The following DLK1 variants were observed in gnomAD, a reference collection of about 807,000 sequenced individuals.
DLK1 encodes protein delta homolog 1.
A neutral mutation model predicts 35.2 loss-of-function variants in DLK1; 9 were observed. That is an observed-to-expected ratio of 0.26 (90% confidence interval 0.15 to 0.45). The LOEUF is 0.45. DLK1 is among the 20% of genes least tolerant of loss of function. The pLI is 1.00. For synonymous variants in DLK1, 231 were observed against 228.4 expected (o/e 1.01, Z -0.10); for missense variants, 522 against 528.5 (o/e 0.99, Z 0.12).
At chr14:100,727,241 C>T (rs2036446254) in intron 1 of DLK1, 106 bp downstream of exon 1, 3 of 1,187,956 alleles carry the variant, frequency 2.5e-6, no homozygotes, top group Non-Finnish European at 3.4e-6. Context: ...CCAACTCCGC[C>T]CGTCCCGCCT....
rs545674033 is a variant in DLK1, at chr14:100,728,539, T to C, written c.131+80T>C. The C allele has an allele frequency of 2.0e-4, 294 of 1,443,112 alleles. 1 individual carries two copies. Among genetic ancestry groups the C allele is most frequent in the Admixed American group, 5.5e-4 (31 of 56,034 alleles). The allele number at this position is 1,443,112 out of a possible 1,614,324, so 89.4% of individuals were successfully genotyped here. A position where few individuals can be genotyped will look rare whatever the true frequency, so the allele number is the denominator to read the frequency against. On this transcript the variant is annotated intron_variant, in intron 2 of 4. Transcript: ENST00000341267. Reference sequence around the variant, plus strand: ...AGTCGTGAAGTCAGGCAGAAAAAAATAGGGGGCTTGGCCACTACGCTGCAG... The same window carrying C: ...AGTCGTGAAGTCAGGCAGAAAAAAACAGGGGGCTTGGCCACTACGCTGCAG...
chr14:100,730,874 T>C (rs1243196204), intron 3 of DLK1, among the ~76,000 whole-genome samples: 1 of 152,118 alleles, frequency 6.6e-6, no homozygotes, highest in African/African-American at 2.4e-5. Context: ...TCCTCCTTGA[T>C]TGATTGCAGT....
chr14:100,728,865 A>G lies in DLK1; in HGVS notation c.132-71A>G, dbSNP rs564692962. Reference sequence around the variant, plus strand: ...CCCCAAGGGTCCTTGGTTCCACAGAAAGTAGCCTGAGCTGCCTCTCTACCC... The same window carrying G: ...CCCCAAGGGTCCTTGGTTCCACAGAGAGTAGCCTGAGCTGCCTCTCTACCC... On this transcript the variant is annotated intron_variant, in intron 2 of 4. Transcript: ENST00000341267. The G allele has an allele frequency of 2.5e-5, 40 of 1,575,622 alleles. No individual in the cohort carries two copies. The African/African-American group carries it at 5.4e-4, about 21-fold the overall frequency.
intron 2 of DLK1, 147 bp downstream of exon 2, chr14:100,728,606 C>A (rs1447727229): frequency 5.6e-5 from 3 of 53,748 alleles, no homozygotes; most frequent in Admixed American, 4.9e-4. Context: ...GTGGGGCGAG[C>A]TGGGGAGATG....
rs899489552 is a variant in DLK1, at chr14:100,737,939, A to G, written c.*3043A>G. ...AATGGTCATTCCATGTTCTATGGCC[A>G]CCAGATTCTGCTGAGAGTGTCGGGA... On this transcript the variant is annotated 3_prime_UTR_variant, in exon 5 of 5. Transcript: ENST00000341267. The G allele has an allele frequency of 1.3e-5, 2 of 152,064 alleles. No homozygotes were observed. Among genetic ancestry groups the G allele is most frequent in the Non-Finnish European group, 2.9e-5 (2 of 68,010 alleles). 9.4% of individuals were successfully genotyped at this position (152,064 alleles called of 1,614,324 possible).
intron 3 of DLK1, among the ~76,000 whole-genome samples, chr14:100,731,704 A>G (rs2036508967): frequency 6.6e-6 from 1 of 152,120 alleles, no homozygotes; most frequent in African/African-American, 2.4e-5. Context: ...AATCTCAGCT[A>G]GGCACGCTGT....
In DLK1 at chr14:100,735,846, C is replaced by T. The variant is rs903402870; in HGVS notation, c.*950C>T. 6 of 152,198 alleles carry T rather than the reference C, an allele frequency of 3.9e-5. No individual in the cohort carries two copies. The highest frequency in any genetic ancestry group is 1.4e-4 in the African/African-American group (6 of 41,438). The allele number at this position is 152,198 out of a possible 1,614,324, so 9.4% of individuals were successfully genotyped here. On this transcript the variant is annotated 3_prime_UTR_variant, in exon 5 of 5. Coordinates refer to ENST00000341267, the MANE Select transcript of DLK1 (RefSeq NM_003836.7). Reference sequence around the variant, plus strand: ...CATAATGTGCCATCTGGAGTTGCCACTTAGGCAGCCAGCCCTCCCCCACCC... The same window carrying T: ...CATAATGTGCCATCTGGAGTTGCCATTTAGGCAGCCAGCCCTCCCCCACCC...
At chr14:100,728,373 G>T (rs1311741606) in intron 1 of DLK1, 23 bp from the exon 2 acceptor site, 3 of 1,613,392 alleles carry the variant, frequency 1.9e-6, no homozygotes, top group Non-Finnish European at 2.5e-6. Context: ...GGGGTGAATT[G>T]TATAACCTTT....
In DLK1 at chr14:100,726,899, C is replaced by A. The variant is rs539751794; in HGVS notation, c.-170C>A. 2.1e-6 allele frequency: 1 copy of A among 481,196 alleles called. No homozygotes were observed. Among genetic ancestry groups the A allele is most frequent in the Non-Finnish European group, 3.1e-6 (1 of 321,896 alleles). The allele number at this position is 481,196 out of a possible 1,614,324, so 29.8% of individuals were successfully genotyped here. A position where few individuals can be genotyped will look rare whatever the true frequency, so the allele number is the denominator to read the frequency against. On this transcript the variant is annotated 5_prime_UTR_variant, in exon 1 of 5. Coordinates refer to ENST00000341267, the MANE Select transcript of DLK1 (RefSeq NM_003836.7). The surrounding 1 kb of genome is among the most constrained non-coding windows in gnomAD (Gnocchi z 4.2). ...GGCGCGCGCGGCGGCGGCGGCAGCT[C>A]CCCGGCAGCGGCGGTGGAGAGCGCA...
chr14:100,736,186 A>G lies in DLK1; in HGVS notation c.*1290A>G, dbSNP rs562104017. 134 of 148,886 alleles carry G rather than the reference A, an allele frequency of 9.0e-4. No homozygotes were observed. The highest frequency in any genetic ancestry group is 3.1e-3 in the African/African-American group (125 of 40,254). The allele number at this position is 148,886 out of a possible 1,614,324, so 9.2% of individuals were successfully genotyped here. ...GAATTTGACTTTTTTTTTTTTTTTA[A>G]CAAAGAGCATCTATCTTTTTTGCAA... On this transcript the variant is annotated 3_prime_UTR_variant, in exon 5 of 5. Transcript: ENST00000341267.
In DLK1 at chr14:100,736,595, C is replaced by A. The variant is rs1022056075; in HGVS notation, c.*1699C>A. On this transcript the variant is annotated 3_prime_UTR_variant, in exon 5 of 5. Coordinates refer to ENST00000341267, the MANE Select transcript of DLK1 (RefSeq NM_003836.7). The stretch of plus-strand genomic sequence containing the variant: ...ATCTGCCCAAACTCCCAACACCCCA[C>A]TCTCCCCACCAAGCCATTGGTCTCC... The A allele has an allele frequency of 5.9e-5, 9 of 152,402 alleles. No homozygotes were observed. Among genetic ancestry groups the A allele is most frequent in the African/African-American group, 2.2e-4 (9 of 41,366 alleles). The allele number at this position is 152,402 out of a possible 1,614,324, so 9.4% of individuals were successfully genotyped here. A position where few individuals can be genotyped will look rare whatever the true frequency, so the allele number is the denominator to read the frequency against.
Position 100,729,029 on chromosome 14 carries a change from T to C in DLK1, c.225T>C (p.Ile75=). 1 of 1,614,076 alleles carries C rather than the reference T, an allele frequency of 6.2e-7. No individual in the cohort carries two copies. The change falls in exon 3 of 5, where the codon ATT becomes ATC. Residue 75 remains isoleucine, a synonymous_variant. Transcript: ENST00000341267. ...TCTGTGGAGAACCCGGGCAGTGCATTTGCACCGACGGCTGGGACGGGGAGC... is the reference window on the plus strand; with the variant it reads ...TCTGTGGAGAACCCGGGCAGTGCATCTGCACCGACGGCTGGGACGGGGAGC... ...HGLCGEPGQC[I]CTDGWDGELC...
chr14:100,730,097 G>T (rs1435941230), intron 3 of DLK1, among the ~76,000 whole-genome samples: 1 of 152,202 alleles, frequency 6.6e-6, no homozygotes, highest in African/African-American at 2.4e-5. Flanking sequence ...GGCAGCCGTG[G>T]TTCTGAAGCT....
rs752614274 is a variant in DLK1, at chr14:100,734,885, G to A, written c.1141G>A (p.Glu381Lys). Residue 381 changes from glutamate (E) to lysine (K), a missense_variant, in exon 5 of 5, where the codon GAG becomes AAG. Coordinates refer to ENST00000341267, the MANE Select transcript of DLK1 (RefSeq NM_003836.7). The surrounding 1 kb of genome is among the most constrained non-coding windows in gnomAD (Gnocchi z 7.4). ...CACCTTCAGCAAGGAGGCCGGCGAC[G>A]AGGAGATCTAAGCAGCGTTCCCACA... ...MTTFSKEAGD[E>K]EI The A allele has an allele frequency of 5.4e-5, 85 of 1,588,006 alleles. No individual in the cohort carries two copies. Among genetic ancestry groups the A allele is most frequent in the African/African-American group, 1.1e-4 (8 of 74,386 alleles).
At chr14:100,732,540 C>T (rs2036522288) in intron 4 of DLK1, among the ~76,000 whole-genome samples, 1 of 152,182 alleles carries the variant, frequency 6.6e-6, no homozygotes, top group South Asian at 2.1e-4. Flanking sequence ...TTTGTGAAAC[C>T]CACTTGCTGT....
Position 100,734,494 on chromosome 14 carries a change from G to A in DLK1, c.750G>A (p.Leu250=), listed in dbSNP as rs372004186. ...TCACCTGTGTCAAGAAGCGCGCGCT[G>A]AGCCCCCAGCAGGTCACCCGTCTGC... is the stretch of plus-strand genomic sequence containing the variant. ...TGLTCVKKRA[L]SPQQVTRLPS... Residue 250 remains leucine (L), a synonymous_variant, in exon 5 of 5, where the codon CTG becomes CTA. Coordinates refer to ENST00000341267, the MANE Select transcript of DLK1 (RefSeq NM_003836.7). This position sits in a 1 kb window ranked among gnomAD's most constrained non-coding sequence, Gnocchi z 7.4. 1.2e-6 allele frequency: 2 copies of A among 1,611,272 alleles called. No homozygotes were observed. The highest frequency in any genetic ancestry group is 8.5e-7 in the Non-Finnish European group (1 of 1,178,546).
At position 100,726,971 on chromosome 14, in the gene DLK1, C is replaced by T. The variant is rs2036440777; in HGVS notation, c.-98C>T. Reference sequence around the variant, plus strand: ...TGGCTTTCCCCTCGCTGCGCGCCCGCGCCCCCTTTCGCGTCCGCAACCAGA... The same window carrying T: ...TGGCTTTCCCCTCGCTGCGCGCCCGTGCCCCCTTTCGCGTCCGCAACCAGA... On this transcript the variant is annotated 5_prime_UTR_variant, in exon 1 of 5. Transcript: ENST00000341267. This position sits in a 1 kb window ranked among gnomAD's most constrained non-coding sequence, Gnocchi z 4.2. 2 of 1,214,894 alleles carry T rather than the reference C, an allele frequency of 1.6e-6. No individual in the cohort carries two copies. The highest frequency in any genetic ancestry group is 1.1e-6 in the Non-Finnish European group (1 of 929,674). 75.3% of individuals were successfully genotyped at this position (1,214,894 alleles called of 1,614,324 possible).
intron 1 of DLK1, 21 bp downstream of exon 1, chr14:100,727,156 GCTCGCGCCCCCTCTGGGGAAGC>G: frequency 6.4e-7 from 1 of 1,552,702 alleles, no homozygotes; most frequent in South Asian, 1.2e-5. Context: ...CGGCGGCCCG[GCTCGCGCCCCCTCTGGGGAAGC>G]CTGCGACTCC....
rs1032630332 is a variant in DLK1 at position 100,735,581 on chromosome 14, C to G, written c.*685C>G. The G allele has an allele frequency of 2.0e-5, 3 of 152,070 alleles. No individual in the cohort carries two copies. The East Asian group carries it at 5.8e-4, about 29-fold the overall frequency. The allele number at this position is 152,070 out of a possible 1,614,324, so 9.4% of individuals were successfully genotyped here. On this transcript the variant is annotated 3_prime_UTR_variant, in exon 5 of 5. Coordinates refer to ENST00000341267, the MANE Select transcript of DLK1 (RefSeq NM_003836.7). Reference sequence around the variant, plus strand: ...CCTCTCGAGGGAGGGGTTTGAACACCGACCACCATGGTCCTCTCTGGCTCT... The same window carrying G: ...CCTCTCGAGGGAGGGGTTTGAACACGGACCACCATGGTCCTCTCTGGCTCT...
Sources: allele counts gnomAD v4.1 joint callset (sites outside exome capture counted in the v4.1 genomes callset), GRCh38; gene constraint gnomAD v4.1.1; non-coding constraint Gnocchi (gnomAD v3.1); transcripts MANE v1.5; gene names NCBI Gene and HGNC (gene_info 2026-07-23, HGNC 2026-07-21).